Variants in NCAM2 observed in about 807,000 individuals in gnomAD.
NCAM2 encodes the protein neural cell adhesion molecule 2.
Under a neutral mutation model 98.1 loss-of-function variants are expected in NCAM2, and 30 were observed. The observed-to-expected ratio is 0.31, with a 90% CI of 0.23 to 0.41. NCAM2 has a LOEUF of 0.41. Ranked by LOEUF, NCAM2 falls within the 10% of genes least tolerant of loss-of-function variation. The probability of loss-of-function intolerance (pLI) is 1.00; values close to 1 mark genes in which losing one functional copy is unlikely to be tolerated. For missense variants in NCAM2, 867 were observed against 1,005.8 expected, an observed-to-expected ratio of 0.86 and a Z score of 1.87; for synonymous variants, 368 against 342.4, an observed-to-expected ratio of 1.07 and a Z score of -0.83.
At chr21:21,264,769 AC>A (rs1270471925) in intron 1 of NCAM2, among the ~76,000 whole-genome samples, 2 of 6,172 alleles carry the variant, frequency 3.2e-4, no homozygotes, top group Non-Finnish European at 5.8e-4. Flanking sequence ...TATATATTCC[AC>A]TATATATATA....
At chr21:21,091,666 T>G (rs1056291832) in intron 1 of NCAM2, among the ~76,000 whole-genome samples, 1 of 152,110 alleles carries the variant, frequency 6.6e-6, no homozygotes, top group African/African-American at 2.4e-5. Context: ...CAAATATGAT[T>G]CCAGGTTCTA....
chr21:21,308,481 C>T (rs569460212), intron 5 of NCAM2, among the ~76,000 whole-genome samples: 1 of 152,070 alleles, frequency 6.6e-6, no homozygotes, highest in African/African-American at 2.4e-5. Flanking sequence ...ATACAAACTC[C>T]TCTGACATTT....
intron 1 of NCAM2, among the ~76,000 whole-genome samples, chr21:21,110,629 A>G (rs2066435584): frequency 1.3e-5 from 2 of 150,778 alleles, no homozygotes; most frequent in Non-Finnish European, 3.0e-5. Flanking sequence ...TCATGAGACT[A>G]CCAGGGAATG....
chr21:21,228,620 A>T (rs1022109183), intron 1 of NCAM2, among the ~76,000 whole-genome samples: 2 of 151,484 alleles, frequency 1.3e-5, no homozygotes, highest in Non-Finnish European at 3.0e-5. Context: ...GTTAAAAAGG[A>T]TACAGTTCAT....
intron 16 of NCAM2, among the ~76,000 whole-genome samples, chr21:21,517,526 AAAGTCTC>A (rs1317035303): frequency 2.6e-5 from 4 of 152,128 alleles, no homozygotes; most frequent in Non-Finnish European, 4.4e-5. Context: ...ACCTAACTCA[AAAGTCTC>A]ATCAGTTTTC....
At chr21:21,384,829 A>C (rs1450051629) in intron 9 of NCAM2, among the ~76,000 whole-genome samples, 1 of 152,084 alleles carries the variant, frequency 6.6e-6, no homozygotes, top group Non-Finnish European at 1.5e-5. Context: ...TAGTTGCTAC[A>C]GTTCAGGTTT....
chr21:21,085,504 G>T (rs993317688), intron 1 of NCAM2, among the ~76,000 whole-genome samples: 6 of 151,962 alleles, frequency 3.9e-5, no homozygotes, highest in Non-Finnish European at 8.8e-5. Flanking sequence ...CTTCTCACTT[G>T]TCCAGCTGGG....
intron 12 of NCAM2, among the ~76,000 whole-genome samples, chr21:21,444,853 G>A (rs1311968858): frequency 1.3e-5 from 2 of 151,958 alleles, no homozygotes; most frequent in African/African-American, 4.8e-5. Flanking sequence ...TCTGATCTTA[G>A]TTATTTCTTG....
intron 9 of NCAM2, among the ~76,000 whole-genome samples, chr21:21,379,210 G>A (rs994119489): frequency 6.6e-6 from 1 of 151,956 alleles, no homozygotes; most frequent in African/African-American, 2.4e-5. Flanking sequence ...CAGAGTGTTA[G>A]CTTTCCATTT....
At chr21:21,060,367 C>T (rs898813824) in intron 1 of NCAM2, among the ~76,000 whole-genome samples, 1 of 151,918 alleles carries the variant, frequency 6.6e-6, no homozygotes, top group Non-Finnish European at 1.5e-5. Context: ...TGTATGGGTT[C>T]TGTGTATTTT....
intron 1 of NCAM2, among the ~76,000 whole-genome samples, chr21:21,017,521 C>T (rs934551600): frequency 6.6e-6 from 1 of 150,798 alleles, no homozygotes; most frequent in South Asian, 2.1e-4. Context: ...TGAAATGGAC[C>T]GATGAGGCAA....
At chr21:21,482,684 TAAC>T (rs1272929411) in intron 15 of NCAM2, among the ~76,000 whole-genome samples, 5 of 151,854 alleles carry the variant, frequency 3.3e-5, no homozygotes, top group African/African-American at 1.2e-4. Context: ...ATTACATTGA[TAAC>T]AATAATTTTT....
chr21:21,511,618 T>A (rs1569130194), intron 16 of NCAM2, among the ~76,000 whole-genome samples: 1 of 151,952 alleles, frequency 6.6e-6, no homozygotes, highest in Admixed American at 6.6e-5. Flanking sequence ...AGCAGAGGAA[T>A]CACTGGATCA....
intron 15 of NCAM2, among the ~76,000 whole-genome samples, chr21:21,497,067 G>A (rs965602494): frequency 1.3e-5 from 2 of 152,082 alleles, no homozygotes; most frequent in Non-Finnish European, 2.9e-5. Context: ...CAGCAACATA[G>A]ATAGAGCGGG....
At chr21:21,390,210 G>T (rs529934023) in intron 9 of NCAM2, among the ~76,000 whole-genome samples, 1 of 151,972 alleles carries the variant, frequency 6.6e-6, no homozygotes, top group South Asian at 2.1e-4. Context: ...ATATTGGCTT[G>T]CATTATGTTA....
intron 1 of NCAM2, among the ~76,000 whole-genome samples, chr21:21,065,085 C>T (rs984760275): frequency 6.6e-6 from 1 of 151,940 alleles, no homozygotes; most frequent in Non-Finnish European, 1.5e-5. Context: ...GAGCCTGAGG[C>T]AGGAGAATCG....
Position 21,248,776 on chromosome 21 carries a change from CAAAAAAAAAAAAAAAAAAAAAAAAA to C in NCAM2, c.56-31785_56-31761del, listed in dbSNP as rs1171857115. The stretch of plus-strand genomic sequence containing the variant: ...TGGGCAACAGAGCAAGACTCTGTCT[CAAAAAAAAAAAAAAAAAAAAAAAAA>C]AAAAAAAAAAAAAAAAGATTTATGA... On this transcript the variant is annotated intron_variant, in intron 1 of 17. Coordinates refer to ENST00000400546, the MANE Select transcript of NCAM2 (RefSeq NM_004540.5). 6.7e-4 allele frequency among the ~76,000 whole-genome samples: 34 copies of C among 50,678 alleles called. 1 individual carries two copies. The highest frequency in any genetic ancestry group is 9.0e-4 in the Non-Finnish European group (28 of 30,992). 33.2% of individuals were successfully genotyped at this position (50,678 alleles called of 152,430 possible).
intron 1 of NCAM2, among the ~76,000 whole-genome samples, chr21:20,998,941 A>T (rs2063969719): frequency 6.6e-6 from 1 of 151,830 alleles, no homozygotes; most frequent in Non-Finnish European, 1.5e-5. Context: ...CAGAAATTGG[A>T]TGAGTGTGTT....
At chr21:21,455,210 C>CA (rs5842926) in intron 12 of NCAM2, among the ~76,000 whole-genome samples, 24,703 of 95,462 alleles carry the variant, frequency 0.26, 3,117 homozygotes, top group Non-Finnish European at 0.29. Flanking sequence ...AACCTATTGG[C>CA]AAAAAAAAAA....
Sources: allele counts gnomAD v4.1 joint callset (sites outside exome capture counted in the v4.1 genomes callset), GRCh38; gene constraint gnomAD v4.1.1; transcripts MANE v1.5; gene names NCBI Gene and HGNC (gene_info 2026-07-23, HGNC 2026-07-21).